The following NOTCH2 variants were observed in gnomAD, a reference collection of about 807,000 sequenced individuals.
NOTCH2 encodes neurogenic locus notch homolog protein 2.
A neutral mutation model predicts 235.8 loss-of-function variants in NOTCH2; 29 were observed. The observed-to-expected ratio is 0.12, with a 90% CI of 0.09 to 0.17. The LOEUF is 0.17. NOTCH2 is among the 10% of genes least tolerant of loss of function. NOTCH2 has a pLI of 1.00. For synonymous variants in NOTCH2, 1,086 were observed against 1,141.5 expected (o/e 0.95, Z 0.98); for missense variants, 2,285 against 3,150.2 (o/e 0.73, Z 6.57).
rs1223655501 is a variant in NOTCH2, at chr1:120,029,505, C to T, written c.155+401G>A. Reference sequence around the variant, plus strand: ...AGCTGGGACTCCAGTCATGCGCCACCACACCTGGCTAATTTTTGTATTTTT... The same window carrying T: ...AGCTGGGACTCCAGTCATGCGCCACTACACCTGGCTAATTTTTGTATTTTT... On this transcript the variant is annotated intron_variant, in intron 2 of 33. Coordinates refer to ENST00000256646, the MANE Select transcript of NOTCH2 (RefSeq NM_024408.4). Among the ~76,000 whole-genome samples the T allele has an allele frequency of 2.0e-5, 3 of 150,450 alleles. No homozygotes were observed. In the East Asian group the frequency reaches 5.8e-4, roughly 29 times the overall value.
intron 17 of NOTCH2, among the ~76,000 whole-genome samples, chr1:119,943,030 G>A (rs937622819): frequency 2.6e-5 from 4 of 151,974 alleles, no homozygotes; most frequent in African/African-American, 4.8e-5. Flanking sequence ...CTGCCACCAC[G>A]CCTGGCTAAT....
At position 119,965,613 on chromosome 1, in the gene NOTCH2, C is replaced by G. The variant is rs782775106; in HGVS notation, c.1568-47G>C. The G allele has an allele frequency of 3.2e-6, 4 of 1,257,294 alleles. No homozygotes were observed. In the Admixed American group the frequency reaches 6.7e-5, roughly 21 times the overall value. The allele number at this position is 1,257,294 out of a possible 1,614,324, so 77.9% of individuals were successfully genotyped here. A position where few individuals can be genotyped will look rare whatever the true frequency, so the allele number is the denominator to read the frequency against. On this transcript the variant is annotated intron_variant, in intron 9 of 33. Coordinates refer to ENST00000256646, the MANE Select transcript of NOTCH2 (RefSeq NM_024408.4). ...CATGAGTCAAAGGATTATCTTGTGT[C>G]TCCCTTTACCATGAGAATGATGTTA...
chr1:119,967,458 T>C lies in NOTCH2; in HGVS notation c.1428A>G (p.Gly476=). Residue 476 remains glycine, a synonymous_variant, in exon 8 of 34, where the codon GGA becomes GGG. Transcript: ENST00000256646. ...CTGGCATGCACAGACATGTGAAGCCTCCAATCTTATCCAGACAGGTAGCAT... is the reference window on the plus strand; with the variant it reads ...CTGGCATGCACAGACATGTGAAGCCCCCAATCTTATCCAGACAGGTAGCAT... ...QNDATCLDKI[G]GFTCLCMPGF... 11 of 1,614,104 alleles carry C rather than the reference T, an allele frequency of 6.8e-6. No individual in the cohort carries two copies. The highest frequency in any genetic ancestry group is 9.3e-6 in the Non-Finnish European group (11 of 1,179,964).
chr1:119,916,334 T>G lies in NOTCH2; in HGVS notation c.6388A>C (p.Arg2130=). 6.2e-7 allele frequency: 1 copy of G among 1,614,188 alleles called. No individual in the cohort carries two copies. Among genetic ancestry groups the G allele is most frequent in the Non-Finnish European group, 8.5e-7 (1 of 1,180,020 alleles). The change falls in exon 34 of 34, where the codon AGG becomes CGG. Residue 2130 remains arginine, a synonymous_variant. Coordinates refer to ENST00000256646, the MANE Select transcript of NOTCH2 (RefSeq NM_024408.4). ...TTCTCACTCAGAGACTTCTTCCTCC[T>G]ACTACCCTTGGCATCCTTTGCCTCC... ...AKEAKDAKGS[R]RKKSLSEKVQ...
At chr1:119,927,828 T>C (rs923868890) in intron 23 of NOTCH2, among the ~76,000 whole-genome samples, 1 of 152,228 alleles carries the variant, frequency 6.6e-6, no homozygotes, top group African/African-American at 2.4e-5. Flanking sequence ...TTTTTGATGT[T>C]AGTGTATCCA....
intron 3 of NOTCH2, among the ~76,000 whole-genome samples, chr1:120,001,382 G>A (rs1192823144): frequency 4.6e-5 from 7 of 151,622 alleles, no homozygotes; most frequent in South Asian, 2.1e-4. Context: ...GGACTGCTAC[G>A]GACCTCCACC....
At chr1:120,001,765 T>C (rs1289521506) in intron 3 of NOTCH2, among the ~76,000 whole-genome samples, 4 of 152,316 alleles carry the variant, frequency 2.6e-5, no homozygotes, top group African/African-American at 9.6e-5. Context: ...GAATGCCTTA[T>C]CCACTGTCAT....
intron 22 of NOTCH2, among the ~76,000 whole-genome samples, chr1:119,933,686 ATC>A (rs1553195431): frequency 6.6e-6 from 1 of 152,262 alleles, no homozygotes. Flanking sequence ...ATTCTAAGCC[ATC>A]TTTACCATAT....
chr1:119,951,035 A>G (rs1218021748), intron 14 of NOTCH2, among the ~76,000 whole-genome samples, 198 bp from the exon 15 acceptor site: 1 of 152,238 alleles, frequency 6.6e-6, no homozygotes, highest in Non-Finnish European at 1.5e-5. Context: ...TTAGTTGAAA[A>G]GATGAATGGA....
intron 2 of NOTCH2, among the ~76,000 whole-genome samples, chr1:120,023,564 A>G (rs1186506720): frequency 8.3e-6 from 1 of 120,650 alleles, no homozygotes; most frequent in Non-Finnish European, 1.5e-5. Flanking sequence ...AAAAATCAGT[A>G]GTACTTATCT....
In NOTCH2 at chr1:119,915,518, G is replaced by A. The variant is rs1649032737; in HGVS notation, c.7204C>T (p.Pro2402Ser). 2 of 1,614,138 alleles carry A rather than the reference G, an allele frequency of 1.2e-6. No homozygotes were observed. The highest frequency in any genetic ancestry group is 2.2e-5 in the East Asian group (1 of 44,876). Reference protein sequence around the residue: ...YASSNAAERTPSHSGHLQGEH... With the variant: ...YASSNAAERTSSHSGHLQGEH... The stretch of plus-strand genomic sequence containing the variant: ...CCCTGGAGGTGACCACTGTGACTGG[G>A]TGTTCGCTCAGCAGCATTTGAGGAA... The change falls in exon 34 of 34, where the codon CCC becomes TCC. Residue 2402 changes from proline to serine, a missense_variant. Physicochemically the swap from Pro to Ser is moderately conservative, Grantham distance 74. This residue lies in a region of NOTCH2 where 504 missense variants were observed against 538.0 expected (regional missense o/e 0.94). Transcript: ENST00000256646.
At chr1:119,972,951 T>C (rs587725293) in intron 5 of NOTCH2, among the ~76,000 whole-genome samples, 173 of 152,230 alleles carry the variant, frequency 1.1e-3, no homozygotes, top group Non-Finnish European at 1.8e-3. Flanking sequence ...ACTCAAACAA[T>C]TGGTTACTGG....
chr1:120,001,082 T>C (rs1553205282), intron 3 of NOTCH2, among the ~76,000 whole-genome samples: 1 of 152,128 alleles, frequency 6.6e-6, no homozygotes, highest in Non-Finnish European at 1.5e-5. Context: ...TTCTTCCTAA[T>C]TTTCTCTTGC....
At position 119,940,742 on chromosome 1, in the gene NOTCH2, C is replaced by T; in HGVS notation, c.2996G>A (p.Gly999Asp). 6.2e-7 allele frequency: 1 copy of T among 1,614,108 alleles called. No individual in the cohort carries two copies. Among genetic ancestry groups the T allele is most frequent in the Non-Finnish European group, 8.5e-7 (1 of 1,179,984 alleles). Residue 999 changes from glycine to aspartate, a missense_variant, in exon 19 of 34, where the codon GGT (glycine) becomes GAT (aspartate). Gly to Asp is a moderately conservative substitution (Grantham distance 94). This residue lies in a region of NOTCH2 where 1,173 missense variants were observed against 1,515.3 expected (regional missense o/e 0.77). Transcript: ENST00000256646. ...GTTAATCCCATCAACACATGTGCCA[C>T]CATTGAAACAGGAGCTAAGAAGCAA... The part of the protein sequence containing the change: ...NECTESSCFN[G>D]GTCVDGINSF...
At chr1:119,972,521 A>T (rs1299731902) in intron 5 of NOTCH2, among the ~76,000 whole-genome samples, 1 of 152,236 alleles carries the variant, frequency 6.6e-6, no homozygotes, top group Non-Finnish European at 1.5e-5. Context: ...ACTATAAGAC[A>T]CAATGTGTTT....
intron 5 of NOTCH2, among the ~76,000 whole-genome samples, chr1:119,975,805 G>A (rs909470813): frequency 2.6e-5 from 4 of 152,160 alleles, no homozygotes; most frequent in Non-Finnish European, 5.9e-5. Context: ...CAGCATTTAT[G>A]AGCTGTAACA....
chr1:119,957,451 A>C (rs1553198461), intron 12 of NOTCH2, among the ~76,000 whole-genome samples: 1 of 152,218 alleles, frequency 6.6e-6, no homozygotes, highest in African/African-American at 2.4e-5. Flanking sequence ...TAAAACAAAA[A>C]AATCCCCTTT....
chr1:119,952,471 C>T (rs185061547), intron 14 of NOTCH2, among the ~76,000 whole-genome samples: 1 of 152,300 alleles, frequency 6.6e-6, no homozygotes, highest in Non-Finnish European at 1.5e-5. Context: ...ACTAGACAGT[C>T]CCATCTGGAG....
At chr1:119,991,839 A>AAAAAAG (rs1557835906) in intron 4 of NOTCH2, among the ~76,000 whole-genome samples, 3 of 129,572 alleles carry the variant, frequency 2.3e-5, no homozygotes, top group South Asian at 2.7e-4. Flanking sequence ...AAAAAAAAAA[A>AAAAAAG]AAAAGAAAAG....
Sources: gnomAD v4.1 joint callset for allele counts (sites outside exome capture counted in the v4.1 genomes callset) on GRCh38, gnomAD v4.1.1 for gene constraint, gnomAD v4.1.1 regional missense constraint, MANE v1.5 for transcripts, NCBI Gene and HGNC (gene_info 2026-07-23, HGNC 2026-07-21) for gene names.